The following GAS7 variants were observed in gnomAD, a reference collection of about 807,000 sequenced individuals.
GAS7 encodes growth arrest specific 7.
In GAS7, 28 loss-of-function variants were observed where a neutral mutation model predicts 71.1. That is an observed-to-expected ratio of 0.39 (90% CI 0.29 to 0.54). The LOEUF (loss-of-function observed/expected upper bound fraction) is 0.54. Ranked by LOEUF, GAS7 falls within the 20% of genes least tolerant of loss-of-function variation. The probability of loss-of-function intolerance (pLI) is 0.62; values close to 1 mark genes in which losing one functional copy is unlikely to be tolerated. For synonymous variants in GAS7, 258 were observed against 245.8 expected (o/e 1.05, Z -0.46); for missense variants, 436 against 627.8 (o/e 0.69, Z 3.27).
At chr17:10,014,625 C>T (rs911823881) in intron 2 of GAS7, among the ~76,000 whole-genome samples, 1 of 152,186 alleles carries the variant, frequency 6.6e-6, no homozygotes, top group Non-Finnish European at 1.5e-5. Flanking sequence ...GCCCCCTCCC[C>T]CTGCAAAGAC....
At chr17:9,976,582 G>C (rs138379137) in intron 3 of GAS7, among the ~76,000 whole-genome samples, 213 of 152,200 alleles carry the variant, frequency 1.4e-3, no homozygotes, top group African/African-American at 4.7e-3. Context: ...CCATATCCCT[G>C]GCCGGCTCCT....
At chr17:10,085,988 G>A (rs918046025) in intron 1 of GAS7, among the ~76,000 whole-genome samples, 33 of 152,158 alleles carry the variant, frequency 2.2e-4, no homozygotes, top group African/African-American at 8.0e-4. Flanking sequence ...CAGTCACTGA[G>A]ACTTCAATGA....
At chr17:10,073,960 A>T (rs2073366340) in intron 1 of GAS7, among the ~76,000 whole-genome samples, 1 of 152,214 alleles carries the variant, frequency 6.6e-6, no homozygotes, top group South Asian at 2.1e-4. Flanking sequence ...TCTGTGCTTC[A>T]TGCTTACTCA....
intron 1 of GAS7, among the ~76,000 whole-genome samples, chr17:10,188,513 C>A (rs2074473759): frequency 6.6e-6 from 1 of 152,142 alleles, no homozygotes; most frequent in Non-Finnish European, 1.5e-5. Context: ...TTTCCTTACA[C>A]CCTGCCAATA....
In GAS7 at chr17:10,103,120, G is replaced by A. The variant is rs777229851; in HGVS notation, c.184-83223C>T. Among the ~76,000 whole-genome samples, 1 of 152,096 alleles carries A rather than the reference G, an allele frequency of 6.6e-6. No homozygotes were observed. Among genetic ancestry groups the A allele is most frequent in the Non-Finnish European group, 1.5e-5 (1 of 68,020 alleles). On this transcript the variant is annotated intron_variant, in intron 1 of 13. Transcript: ENST00000432992. The surrounding 1 kb of genome is among the most constrained non-coding windows in gnomAD (Gnocchi z 5.5). Reference sequence around the variant, plus strand: ...TAATCCCAGCATTTTGGGAGGCCGAGGTGGGCAGATTGCTAAGAGCCCAGG... The same window carrying A: ...TAATCCCAGCATTTTGGGAGGCCGAAGTGGGCAGATTGCTAAGAGCCCAGG...
intron 2 of GAS7, among the ~76,000 whole-genome samples, chr17:10,002,944 TCAA>T (rs2071329106): frequency 6.6e-6 from 1 of 152,180 alleles, no homozygotes; most frequent in Non-Finnish European, 1.5e-5. Context: ...GATGGCTGGG[TCAA>T]ATGGTATTTC....
At chr17:10,155,160 G>A (rs1283980296) in intron 1 of GAS7, among the ~76,000 whole-genome samples, 11 of 151,938 alleles carry the variant, frequency 7.2e-5, no homozygotes, top group Admixed American at 5.2e-4. Flanking sequence ...GATTACAGGT[G>A]CGTACCAACA....
At chr17:10,126,546 G>GCA (rs201631689) in intron 1 of GAS7, among the ~76,000 whole-genome samples, 92,475 of 151,608 alleles carry the variant, frequency 0.61, 29,106 homozygotes, top group African/African-American at 0.75. Context: ...CACAAAGAGC[G>GCA]CACACACGCA....
chr17:10,158,571 C>A (rs1597826140), intron 1 of GAS7, among the ~76,000 whole-genome samples: 1 of 151,940 alleles, frequency 6.6e-6, no homozygotes, highest in East Asian at 1.9e-4. Flanking sequence ...AAGTATACTG[C>A]TGTTCTCAAC....
chr17:9,917,687 GT>G (rs568378914), intron 13 of GAS7, among the ~76,000 whole-genome samples: 1 of 152,020 alleles, frequency 6.6e-6, no homozygotes, highest in Non-Finnish European at 1.5e-5. Context: ...TCTAGAAGTT[GT>G]TTTTTTTGGT....
Position 9,990,248 on chromosome 17 carries a change from G to A in GAS7, c.305-8364C>T, listed in dbSNP as rs537094171. Reference sequence around the variant, plus strand: ...CGCACCGCTGCACTTCAGCCTGGGCGACAGAGCGAGACTCCATCTCAAAAA... The same window carrying A: ...CGCACCGCTGCACTTCAGCCTGGGCAACAGAGCGAGACTCCATCTCAAAAA... On this transcript the variant is annotated intron_variant, in intron 2 of 13. Coordinates refer to ENST00000432992, the MANE Select transcript of GAS7 (RefSeq NM_201433.2). 5.3e-5 allele frequency among the ~76,000 whole-genome samples: 8 copies of A among 152,102 alleles called. No individual in the cohort carries two copies. In the South Asian group the frequency reaches 1.2e-3, roughly 24 times the overall value.
At chr17:10,118,078 G>T in intron 1 of GAS7, among the ~76,000 whole-genome samples, 1 of 152,214 alleles carries the variant, frequency 6.6e-6, no homozygotes. Context: ...ACTTTTCCCC[G>T]AGGGTAACAG....
At chr17:10,093,778 C>A (rs2073612994) in intron 1 of GAS7, among the ~76,000 whole-genome samples, 4 of 152,090 alleles carry the variant, frequency 2.6e-5, no homozygotes, top group Admixed American at 2.6e-4. Flanking sequence ...GTTCAGCTGA[C>A]CCCATTTTTT....
Position 9,959,426 on chromosome 17 carries a change from C to G in GAS7, c.472-171G>C. ...AAGCAGGGGTCTCCCTGACCCCACG[C>G]TGTTCCCACGCCCAGCTCTCGGGCT... On this transcript the variant is annotated intron_variant, in intron 4 of 13. Transcript: ENST00000432992. The surrounding 1 kb of genome is among the most constrained non-coding windows in gnomAD (Gnocchi z 5.0). 2 of 1,453,536 alleles carry G rather than the reference C, an allele frequency of 1.4e-6. No homozygotes were observed. Among genetic ancestry groups the G allele is most frequent in the South Asian group, 1.4e-5 (1 of 70,046 alleles). 90.0% of individuals were successfully genotyped at this position (1,453,536 alleles called of 1,614,324 possible).
chr17:10,057,489 T>A (rs570947747), intron 1 of GAS7, among the ~76,000 whole-genome samples: 1,666 of 148,074 alleles, frequency 0.011, 28 homozygotes, highest in African/African-American at 0.038. Context: ...GGCCGCCCCA[T>A]CTGAGAAGTG....
chr17:9,941,484 C>A (rs1339748192), intron 7 of GAS7, among the ~76,000 whole-genome samples: 1 of 152,210 alleles, frequency 6.6e-6, no homozygotes, highest in African/African-American at 2.4e-5. Context: ...TCCCAGCAAA[C>A]CAGCCAGCAC....
chr17:10,009,184 A>G (rs9906805), intron 2 of GAS7, among the ~76,000 whole-genome samples: 20,677 of 149,904 alleles, frequency 0.14, 1,458 homozygotes, highest in Non-Finnish European at 0.15. Flanking sequence ...AGCCGGGCGT[A>G]GTGGCGGGCG....
At chr17:9,942,982 C>T (rs1470900316) in intron 7 of GAS7, 139 bp downstream of exon 7, 3 of 582,702 alleles carry the variant, frequency 5.1e-6, no homozygotes, top group Non-Finnish European at 9.3e-6. Flanking sequence ...TCCCAGGCGC[C>T]ATGAGTTTGC....
At chr17:9,988,609 G>C (rs1455084441) in intron 2 of GAS7, among the ~76,000 whole-genome samples, 1 of 152,106 alleles carries the variant, frequency 6.6e-6, no homozygotes, top group Non-Finnish European at 1.5e-5. Flanking sequence ...ATTGCTTGAA[G>C]CCAGGAGGCG....
Sources: allele counts gnomAD v4.1 joint callset (sites outside exome capture counted in the v4.1 genomes callset), GRCh38; gene constraint gnomAD v4.1.1; non-coding constraint Gnocchi (gnomAD v3.1); transcripts MANE v1.5; gene names NCBI Gene and HGNC (gene_info 2026-07-23, HGNC 2026-07-21).